Variants in RAB3C observed in about 807,000 individuals in gnomAD.
The protein encoded by RAB3C is RAB3C, member RAS oncogene family, also known as ras-related protein Rab-3C.
Under a neutral mutation model 26.4 loss-of-function variants are expected in RAB3C, and 17 were observed. The ratio of observed to expected loss-of-function variants is 0.64; its 90% CI spans 0.44 to 0.97. The LOEUF (loss-of-function observed/expected upper bound fraction) is 0.97. Ranked by LOEUF, RAB3C falls within the 50% of genes least tolerant of loss-of-function variation. RAB3C has a pLI of 0.00. For synonymous variants in RAB3C, 91 were observed against 95.9 expected, an observed-to-expected ratio of 0.95 and a Z score of 0.30; for missense variants, 242 against 281.9, an observed-to-expected ratio of 0.86 and a Z score of 1.01.
intron 3 of RAB3C, among the ~76,000 whole-genome samples, chr5:58,761,681 A>G (rs1485459845): frequency 6.6e-6 from 1 of 152,134 alleles, no homozygotes; most frequent in African/African-American, 2.4e-5. Flanking sequence ...CTTGCCTTCC[A>G]TCAGGGACAC....
chr5:58,764,322 A>G (rs1741854423), intron 3 of RAB3C, among the ~76,000 whole-genome samples: 1 of 152,154 alleles, frequency 6.6e-6, no homozygotes. Context: ...ATGCATGACG[A>G]TGTACTCAGC....
intron 3 of RAB3C, among the ~76,000 whole-genome samples, chr5:58,731,363 G>T (rs1291739400): frequency 6.6e-6 from 1 of 152,082 alleles, no homozygotes; most frequent in African/African-American, 2.4e-5. Flanking sequence ...TAGAATTTAT[G>T]TAGAATCTAT....
At chr5:58,791,259 C>T (rs763044066) in intron 3 of RAB3C, among the ~76,000 whole-genome samples, 2 of 152,064 alleles carry the variant, frequency 1.3e-5, no homozygotes, top group African/African-American at 2.4e-5. Flanking sequence ...GTTCAGTAGC[C>T]AGGGGGATTT....
At chr5:58,846,422 C>G (rs1744004541) in intron 4 of RAB3C, among the ~76,000 whole-genome samples, 1 of 152,164 alleles carries the variant, frequency 6.6e-6, no homozygotes, top group South Asian at 2.1e-4. Flanking sequence ...CTCTGTCACC[C>G]AGGCTGGAGT....
chr5:58,746,449 G>C (rs1418743391), intron 3 of RAB3C, among the ~76,000 whole-genome samples: 1 of 152,188 alleles, frequency 6.6e-6, no homozygotes, highest in Non-Finnish European at 1.5e-5. Context: ...AACGGAGAGG[G>C]TCTTGCACAT....
chr5:58,661,269 C>G lies in RAB3C; in HGVS notation c.252+43399C>G, dbSNP rs148814709. On this transcript the variant is annotated intron_variant, in intron 2 of 4. Coordinates refer to ENST00000282878, the MANE Select transcript of RAB3C (RefSeq NM_138453.4). ...TTATACTCAGTAAAATAAGCAAACT[C>G]AGGAATTATAAATGACTGCATCAAA... Among the ~76,000 whole-genome samples, 133 of 150,188 alleles carry G rather than the reference C, an allele frequency of 8.9e-4. 12 individuals are homozygous for G. Among genetic ancestry groups the G allele is most frequent in the African/African-American group, 3.3e-3 (130 of 39,558 alleles).
At position 58,599,993 on chromosome 5, in the gene RAB3C, A is replaced by C. The variant is rs116501507; in HGVS notation, c.24+16761A>C. On this transcript the variant is annotated intron_variant, in intron 1 of 4. Coordinates refer to ENST00000282878, the MANE Select transcript of RAB3C (RefSeq NM_138453.4). ...TTTTATAGTTTCACGTCTTAGGTTT[A>C]AGTCCTTAATCCATCTTCAGTTGAT... Among the ~76,000 whole-genome samples the C allele has an allele frequency of 3.1e-3, 469 of 152,304 alleles. 2 individuals are homozygous for C. Among genetic ancestry groups the C allele is most frequent in the Admixed American group, 5.7e-3 (87 of 15,284 alleles).
rs1247953725 is a variant in RAB3C at position 58,855,581 on chromosome 5, T to G, written c.*4230T>G. 6.6e-6 allele frequency: 1 copy of G among 152,260 alleles called. No individual in the cohort carries two copies. The highest frequency in any genetic ancestry group is 1.9e-4 in the East Asian group (1 of 5,200). 9.4% of individuals were successfully genotyped at this position (152,260 alleles called of 1,614,324 possible). On this transcript the variant is annotated 3_prime_UTR_variant, in exon 5 of 5. Transcript: ENST00000282878. Reference sequence around the variant, plus strand: ...ACAGCTCTGCTCAGCTCTGCCTGTGTGCATTGATTACCTTCGCTTTAGTAG... The same window carrying G: ...ACAGCTCTGCTCAGCTCTGCCTGTGGGCATTGATTACCTTCGCTTTAGTAG...
chr5:58,639,951 AC>A (rs1272526729), intron 2 of RAB3C, among the ~76,000 whole-genome samples: 5 of 152,220 alleles, frequency 3.3e-5, no homozygotes, highest in African/African-American at 1.2e-4. Context: ...TGAATTCCTA[AC>A]ATTTCCATTC....
Position 58,657,817 on chromosome 5 carries a change from A to T in RAB3C, c.252+39947A>T, listed in dbSNP as rs1399712391. Among the ~76,000 whole-genome samples, 5 of 152,176 alleles carry T rather than the reference A, an allele frequency of 3.3e-5. No homozygotes were observed. The East Asian group carries it at 9.6e-4, about 29-fold the overall frequency. ...TTCTCTTAGTTTTATCCCCCCTAAAACTGCTGTTGTTTGTCCATGCTATGC... is the reference window on the plus strand; with the variant it reads ...TTCTCTTAGTTTTATCCCCCCTAAATCTGCTGTTGTTTGTCCATGCTATGC... On this transcript the variant is annotated intron_variant, in intron 2 of 4. Coordinates refer to ENST00000282878, the MANE Select transcript of RAB3C (RefSeq NM_138453.4).
intron 3 of RAB3C, among the ~76,000 whole-genome samples, chr5:58,804,307 A>C (rs554496652): frequency 6.2e-4 from 95 of 152,314 alleles, no homozygotes; most frequent in Middle Eastern, 3.4e-3. Flanking sequence ...TTTTAGAAGC[A>C]GGCTGTTTTC....
At chr5:58,713,205 A>C (rs981241149) in intron 2 of RAB3C, among the ~76,000 whole-genome samples, 1 of 152,180 alleles carries the variant, frequency 6.6e-6, no homozygotes, top group Non-Finnish European at 1.5e-5. Context: ...CTCAGGGGCC[A>C]GTCAACAACA....
chr5:58,776,502 T>C (rs1488386121), intron 3 of RAB3C, among the ~76,000 whole-genome samples: 2 of 152,242 alleles, frequency 1.3e-5, no homozygotes, highest in Non-Finnish European at 2.9e-5. Flanking sequence ...TTCAAACTCC[T>C]TTTTCTAATG....
chr5:58,706,889 C>T (rs747976891), intron 2 of RAB3C, among the ~76,000 whole-genome samples: 1 of 152,164 alleles, frequency 6.6e-6, no homozygotes, highest in Admixed American at 6.5e-5. Flanking sequence ...GTTTTCATCC[C>T]GTTGCCAAAG....
chr5:58,601,029 A>G (rs545632805), intron 1 of RAB3C, among the ~76,000 whole-genome samples: 1 of 152,216 alleles, frequency 6.6e-6, no homozygotes, highest in East Asian at 1.9e-4. Context: ...TTGTATGCCA[A>G]TTTTGCTGAA....
intron 3 of RAB3C, among the ~76,000 whole-genome samples, chr5:58,761,807 C>T (rs1741801943): frequency 6.6e-6 from 1 of 152,156 alleles, no homozygotes; most frequent in South Asian, 2.1e-4. Context: ...TGTTGTGTGA[C>T]TATTCATAAA....
chr5:58,710,796 C>G (rs984543652), intron 2 of RAB3C, among the ~76,000 whole-genome samples: 7 of 152,048 alleles, frequency 4.6e-5, no homozygotes, highest in African/African-American at 1.4e-4. Flanking sequence ...CTCTCTATGG[C>G]GTACATGATG....
intron 2 of RAB3C, among the ~76,000 whole-genome samples, chr5:58,641,449 G>A (rs183642929): frequency 6.6e-6 from 1 of 152,192 alleles, no homozygotes; most frequent in Non-Finnish European, 1.5e-5. Flanking sequence ...ACCAGAAATA[G>A]CATGGAAATG....
At chr5:58,629,583 T>G (rs1747145439) in intron 2 of RAB3C, among the ~76,000 whole-genome samples, 1 of 152,256 alleles carries the variant, frequency 6.6e-6, no homozygotes, top group African/African-American at 2.4e-5. Context: ...TCAGCCACCA[T>G]CACTTGCATT....
Sources: allele counts gnomAD v4.1 joint callset (sites outside exome capture counted in the v4.1 genomes callset), GRCh38; gene constraint gnomAD v4.1.1; transcripts MANE v1.5; gene names NCBI Gene and HGNC (gene_info 2026-07-23, HGNC 2026-07-21).